KDM6A: variants seen among roughly 807,000 people sequenced by gnomAD.
KDM6A encodes lysine-specific demethylase 6A.
KDM6A carries 11 observed loss-of-function variants against 117.6 expected under a neutral mutation model. The observed-to-expected ratio is 0.09, with a 90% confidence interval of 0.06 to 0.15. The LOEUF is 0.15. Ranked by LOEUF, KDM6A falls within the 10% of genes least tolerant of loss-of-function variation. KDM6A has a pLI of 1.00. For missense variants in KDM6A, 799 were observed against 1,077.3 expected (o/e 0.74, Z 3.62); for synonymous variants, 384 against 396.1 (o/e 0.97, Z 0.36).
chrX:45,004,445 G>A (rs1013051262), intron 4 of KDM6A, among the ~76,000 whole-genome samples: 2 of 111,210 alleles, frequency 1.8e-5, no homozygotes, highest in East Asian at 2.8e-4. Context: ...CTTAGGGGAC[G>A]GTCTTCTCAA....
chrX:45,019,396 C>T (rs1424858978), intron 5 of KDM6A, among the ~76,000 whole-genome samples: 1 of 111,622 alleles, frequency 9.0e-6, no homozygotes, highest in Non-Finnish European at 1.9e-5. Context: ...CTGCCATCTG[C>T]AATAAACACT....
intron 8 of KDM6A, among the ~76,000 whole-genome samples, chrX:45,042,231 G>GGGAGACCGTGGAA (rs1164417927): frequency 1.2e-5 from 1 of 84,101 alleles, no homozygotes; most frequent in African/African-American, 5.7e-5. Context: ...CGGCATCAGA[G>GGGAGACCGTGGAA]GGAGACCGTG....
intron 18 of KDM6A, 140 bp downstream of exon 18, chrX:45,070,497 A>G: frequency 1.7e-6 from 1 of 579,773 alleles, no homozygotes; most frequent in East Asian, 3.6e-5. Flanking sequence ...CAGAAGCTTT[A>G]TTTTGCTTAG....
At chrX:45,099,335 A>G (rs1032810550) in intron 27 of KDM6A, among the ~76,000 whole-genome samples, 6 of 109,256 alleles carry the variant, frequency 5.5e-5, no homozygotes, top group African/African-American at 2.0e-4. Context: ...CTATTGAATT[A>G]AGGTTCACAT....
intron 2 of KDM6A, among the ~76,000 whole-genome samples, chrX:44,956,555 A>G (rs1240543574): frequency 9.1e-6 from 1 of 110,340 alleles, no homozygotes; most frequent in Non-Finnish European, 1.9e-5. Context: ...CATGCACCAC[A>G]CCATGCCTGG....
At chrX:45,083,791 A>G (rs1190726826) in intron 24 of KDM6A, among the ~76,000 whole-genome samples, 183 bp downstream of exon 24, 2 of 111,358 alleles carry the variant, frequency 1.8e-5, no homozygotes, top group Non-Finnish European at 3.8e-5. Context: ...TTTTTAGTGT[A>G]ATAGCCCAGA....
At chrX:44,892,552 C>T (rs2033453560) in intron 2 of KDM6A, among the ~76,000 whole-genome samples, 1 of 110,116 alleles carries the variant, frequency 9.1e-6, no homozygotes, top group Non-Finnish European at 1.9e-5. Context: ...ATTAGCTGGG[C>T]TTGGTTGCCG....
chrX:44,996,511 C>T (rs1264581003), intron 4 of KDM6A, among the ~76,000 whole-genome samples: 1 of 109,413 alleles, frequency 9.1e-6, no homozygotes, highest in East Asian at 3.0e-4. Flanking sequence ...TATTGCTGTA[C>T]AATACTACAC....
intron 3 of KDM6A, among the ~76,000 whole-genome samples, chrX:44,971,729 C>A (rs931758697): frequency 9.0e-6 from 1 of 110,793 alleles, no homozygotes; most frequent in Admixed American, 9.6e-5. Flanking sequence ...GTTAACTTTG[C>A]CATATATAAC....
intron 6 of KDM6A, among the ~76,000 whole-genome samples, chrX:45,022,703 A>G (rs1462330980): frequency 8.9e-6 from 1 of 111,866 alleles, no homozygotes; most frequent in East Asian, 2.8e-4. Flanking sequence ...TAAATGTGGA[A>G]CCTCTGATGG....
At chrX:45,057,193 A>G (rs1047852789) in intron 10 of KDM6A, among the ~76,000 whole-genome samples, 3 of 111,672 alleles carry the variant, frequency 2.7e-5, no homozygotes, top group Non-Finnish European at 5.7e-5. Flanking sequence ...CTTAAACACC[A>G]GGACAACATC....
chrX:44,917,285 C>T (rs2035626229), intron 2 of KDM6A, among the ~76,000 whole-genome samples: 2 of 110,988 alleles, frequency 1.8e-5, no homozygotes, highest in South Asian at 7.6e-4. Context: ...CCTTGGCCTC[C>T]CAAAGTGCTG....
At chrX:44,939,829 A>G (rs1233941441) in intron 2 of KDM6A, among the ~76,000 whole-genome samples, 1 of 112,064 alleles carries the variant, frequency 8.9e-6, no homozygotes, top group Non-Finnish European at 1.9e-5. Context: ...TCCACCAGCA[A>G]AAAGATTACA....
At chrX:45,070,843 AAG>A (rs1338896853) in intron 18 of KDM6A, among the ~76,000 whole-genome samples, 1 of 110,609 alleles carries the variant, frequency 9.0e-6, no homozygotes, top group Non-Finnish European at 1.9e-5. Flanking sequence ...AAGCAGGCAG[AAG>A]AGGAAGGAAG....
At chrX:44,976,493 C>T (rs1037932753) in intron 4 of KDM6A, among the ~76,000 whole-genome samples, 8 of 111,498 alleles carry the variant, frequency 7.2e-5, no homozygotes, top group Non-Finnish European at 1.5e-4. Flanking sequence ...TGTATATCAC[C>T]TCTACACATC....
rs768921352 is a variant in KDM6A, at chrX:44,974,098, G to A, written c.335-568G>A. On this transcript the variant is annotated intron_variant, in intron 3 of 29. Coordinates refer to ENST00000611820, the MANE Select transcript of KDM6A (RefSeq NM_001291415.2). ...CTTAGCTGTCCATATTTCATAATTG[G>A]AATAATTGAGAACTGGAGGCTCTGA... Among the ~76,000 whole-genome samples the A allele has an allele frequency of 2.7e-5, 3 of 110,950 alleles. No homozygotes were observed. The South Asian group carries it at 1.1e-3, about 42-fold the overall frequency.
intron 25 of KDM6A, 71 bp from the exon 26 acceptor site, chrX:45,089,672 A>G: frequency 2.6e-6 from 2 of 779,753 alleles, no homozygotes; most frequent in South Asian, 4.6e-5. Flanking sequence ...AATTTGTGAC[A>G]TTTTCTTCCA....
At chrX:44,914,843 T>C (rs2035453848) in intron 2 of KDM6A, among the ~76,000 whole-genome samples, 1 of 111,096 alleles carries the variant, frequency 9.0e-6, no homozygotes, top group African/African-American at 3.3e-5. Context: ...AGCATAATAC[T>C]GGATACTCTT....
At chrX:44,897,597 C>A (rs544348607) in intron 2 of KDM6A, among the ~76,000 whole-genome samples, 1 of 110,962 alleles carries the variant, frequency 9.0e-6, no homozygotes, top group Admixed American at 9.6e-5. Context: ...GAGACAGGGT[C>A]GTGATCAGTC....
Sources: gnomAD v4.1 joint callset for allele counts (sites outside exome capture counted in the v4.1 genomes callset) on GRCh38, gnomAD v4.1.1 for gene constraint, MANE v1.5 for transcripts, NCBI Gene and HGNC (gene_info 2026-07-23, HGNC 2026-07-21) for gene names.